Variants in DLC1 observed in about 807,000 individuals in gnomAD.
DLC1 encodes rho GTPase-activating protein 7.
A neutral mutation model predicts 140.3 loss-of-function variants in DLC1; 54 were observed. That is an observed-to-expected ratio of 0.38 (90% CI 0.31 to 0.48). DLC1 has a LOEUF of 0.48. DLC1 is among the 20% of genes least tolerant of loss of function. The pLI is 0.96. For synonymous variants in DLC1, 986 were observed against 728.1 expected (o/e 1.35, Z -5.70); for missense variants, 2,536 against 1,907.0 (o/e 1.33, Z -6.14).
chr8:13,400,520 A>T (rs1477314943), intron 3 of DLC1, among the ~76,000 whole-genome samples: 1 of 152,194 alleles, frequency 6.6e-6, no homozygotes, highest in Admixed American at 6.5e-5. Flanking sequence ...TACAGAGCTA[A>T]CAATTGTTAT....
At chr8:13,265,708 C>A (rs1470617227) in intron 5 of DLC1, among the ~76,000 whole-genome samples, 3 of 151,470 alleles carry the variant, frequency 2.0e-5, no homozygotes, top group African/African-American at 7.3e-5. Context: ...CTCTCCTCTC[C>A]TCTTCTCTCC....
At chr8:13,272,664 A>T (rs1830986425) in intron 5 of DLC1, among the ~76,000 whole-genome samples, 1 of 152,084 alleles carries the variant, frequency 6.6e-6, no homozygotes, top group African/African-American at 2.4e-5. Flanking sequence ...GATCGAGACC[A>T]TCCTGGCTAA....
intron 2 of DLC1, among the ~76,000 whole-genome samples, chr8:13,468,312 C>G (rs1486303283): frequency 6.8e-6 from 1 of 148,076 alleles, no homozygotes; most frequent in African/African-American, 2.5e-5. Flanking sequence ...TTTTTCCTTT[C>G]TTTTCTCTCT....
intron 5 of DLC1, among the ~76,000 whole-genome samples, chr8:13,265,404 G>A (rs982420172): frequency 6.6e-6 from 1 of 152,302 alleles, no homozygotes; most frequent in South Asian, 2.1e-4. Context: ...GTAGGTGGTA[G>A]AGATTAATGA....
intron 4 of DLC1, among the ~76,000 whole-genome samples, chr8:13,374,394 G>C (rs932745636): frequency 6.6e-6 from 1 of 152,166 alleles, no homozygotes. Context: ...TGCACCTGGT[G>C]AGGGCCTTTT....
chr8:13,250,144 C>T (rs75233447), intron 5 of DLC1, among the ~76,000 whole-genome samples: 2,061 of 152,318 alleles, frequency 0.014, 14 homozygotes, highest in Middle Eastern at 0.034. Flanking sequence ...AGGATCAATA[C>T]GTACTTGTTA....
intron 2 of DLC1, among the ~76,000 whole-genome samples, chr8:13,483,384 T>C (rs1473485622): frequency 6.6e-6 from 1 of 152,152 alleles, no homozygotes; most frequent in Non-Finnish European, 1.5e-5. Flanking sequence ...CACTACAGTA[T>C]GGATAAGTGA....
chr8:13,119,659 G>A (rs1000169630), intron 5 of DLC1, among the ~76,000 whole-genome samples: 1 of 152,098 alleles, frequency 6.6e-6, no homozygotes, highest in Non-Finnish European at 1.5e-5. Flanking sequence ...CCTTAAAAAT[G>A]AGCTTTCTGA....
intron 3 of DLC1, among the ~76,000 whole-genome samples, chr8:13,397,670 A>G (rs1449265223): frequency 4.1e-5 from 5 of 121,122 alleles, no homozygotes; most frequent in Admixed American, 8.8e-5. Flanking sequence ...CTCTACAAAA[A>G]TTAAAAAAAA....
chr8:13,579,521 ATTATATT>A (rs1804999906), intron 1 of DLC1, among the ~76,000 whole-genome samples: 1 of 113,074 alleles, frequency 8.8e-6, no homozygotes. Context: ...TATTTAATAT[ATTATATT>A]TTATATTATA....
intron 4 of DLC1, among the ~76,000 whole-genome samples, chr8:13,366,751 A>G (rs1319148033): frequency 1.3e-5 from 2 of 152,222 alleles, no homozygotes; most frequent in South Asian, 2.1e-4. Context: ...GCTCATCCTC[A>G]GACACAGGAA....
chr8:13,454,634 C>G (rs763720979), intron 2 of DLC1, among the ~76,000 whole-genome samples: 6 of 152,128 alleles, frequency 3.9e-5, no homozygotes, highest in Non-Finnish European at 8.8e-5. Context: ...TAGCTTACTG[C>G]AACGTCGACC....
chr8:13,587,710 G>C (rs1394200591), intron 1 of DLC1, among the ~76,000 whole-genome samples: 1 of 150,886 alleles, frequency 6.6e-6, no homozygotes, highest in Non-Finnish European at 1.5e-5. Flanking sequence ...GTTTACCTGG[G>C]AAGTAAAAAT....
At chr8:13,462,267 T>C (rs1407543299) in intron 2 of DLC1, among the ~76,000 whole-genome samples, 1 of 152,208 alleles carries the variant, frequency 6.6e-6, no homozygotes, top group Non-Finnish European at 1.5e-5. Context: ...TTTTATCCTG[T>C]AGTGTCTAAT....
chr8:13,346,852 C>T (rs999576142), intron 4 of DLC1, among the ~76,000 whole-genome samples: 2 of 152,186 alleles, frequency 1.3e-5, no homozygotes, highest in African/African-American at 4.8e-5. Context: ...TATATGAAAA[C>T]CCAGACAACA....
intron 1 of DLC1, among the ~76,000 whole-genome samples, chr8:13,542,911 C>G (rs749785796): frequency 9.2e-5 from 14 of 151,944 alleles, no homozygotes; most frequent in African/African-American, 2.9e-4. Flanking sequence ...TAGTCTATTA[C>G]TGAAGATAGT....
intron 1 of DLC1, chr8:13,567,981 A>G (rs1804514837): frequency 6.7e-7 from 1 of 1,489,492 alleles, no homozygotes; most frequent in African/African-American, 1.4e-5. Flanking sequence ...TGTGTATTTG[A>G]GTAATTACCA....
intron 4 of DLC1, among the ~76,000 whole-genome samples, chr8:13,337,623 T>C (rs1010634989): frequency 6.6e-6 from 1 of 152,144 alleles, no homozygotes; most frequent in African/African-American, 2.4e-5. Context: ...TAAGACAAAA[T>C]TGTAGGAAAG....
chr8:13,183,887 A>G (rs2116989116), intron 5 of DLC1, among the ~76,000 whole-genome samples: 1 of 152,320 alleles, frequency 6.6e-6, no homozygotes, highest in East Asian at 1.9e-4. Context: ...TTCAGAAGGA[A>G]TGGTACCAAC....
Sources: gnomAD v4.1 joint callset for allele counts (sites outside exome capture counted in the v4.1 genomes callset) on GRCh38, gnomAD v4.1.1 for gene constraint, MANE v1.5 for transcripts, NCBI Gene and HGNC (gene_info 2026-07-23, HGNC 2026-07-21) for gene names.